SPRY3: variants seen among roughly 807,000 people sequenced by gnomAD.
SPRY3 encodes the protein protein sprouty homolog 3.
A neutral mutation model predicts 20.2 loss-of-function variants in SPRY3; 15 were observed. The ratio of observed to expected loss-of-function variants is 0.74; its 90% CI spans 0.50 to 1.14. The LOEUF (loss-of-function observed/expected upper bound fraction) is 1.14. SPRY3 is among the 50% of genes most tolerant of loss of function. The pLI, the probability that SPRY3 is intolerant of heterozygous loss-of-function variation, is 0.00. For synonymous variants in SPRY3, 143 were observed against 136.5 expected, an observed-to-expected ratio of 1.05 and a Z score of -0.33; for missense variants, 364 against 363.9, an observed-to-expected ratio of 1.00 and a Z score of 0.00.
chrX:155,723,106 A>G (rs940355232), intron 2 of SPRY3, among the ~76,000 whole-genome samples: 8 of 152,174 alleles, frequency 5.3e-5, no homozygotes, highest in African/African-American at 1.9e-4. Flanking sequence ...TGAAAAGGAC[A>G]TGAACTCATC....
chrX:155,734,410 T>G (rs918010933), intron 2 of SPRY3, among the ~76,000 whole-genome samples: 2 of 151,964 alleles, frequency 1.3e-5, no homozygotes, highest in Admixed American at 6.6e-5. Flanking sequence ...CATATATGAG[T>G]GCAGTTTGTG....
At chrX:155,634,402 G>T (rs2067917021) in intron 1 of SPRY3, among the ~76,000 whole-genome samples, 1 of 111,702 alleles carries the variant, frequency 9.0e-6, no homozygotes. Context: ...GCACCATCAT[G>T]ATATTCTAAT....
Position 155,722,566 on chromosome X carries a change from C to T in SPRY3, c.-281-45396C>T, listed in dbSNP as rs926031478. Reference sequence around the variant, plus strand: ...AAGCAAGAAATTAAATCATATTAACCGAGAAAATTAACCTTCACATGAAAG... The same window carrying T: ...AAGCAAGAAATTAAATCATATTAACTGAGAAAATTAACCTTCACATGAAAG... On this transcript the variant is annotated intron_variant, in intron 2 of 3. Coordinates refer to ENST00000675360, the Ensembl canonical transcript of SPRY3. 3.3e-5 allele frequency among the ~76,000 whole-genome samples: 5 copies of T among 151,350 alleles called. 1 individual carries two copies. In the Middle Eastern group the frequency reaches 0.01, roughly 309 times the overall value.
intron 2 of SPRY3, among the ~76,000 whole-genome samples, chrX:155,668,033 A>T (rs137888599): frequency 2.6e-3 from 58 of 22,263 alleles, no homozygotes; most frequent in Middle Eastern, 0.037. Context: ...ACAACTTTTT[A>T]AAAAAAATTG....
At chrX:155,768,478 C>T (rs1017427788) in intron 3 of SPRY3, among the ~76,000 whole-genome samples, 11 of 152,034 alleles carry the variant, frequency 7.2e-5, no homozygotes, top group African/African-American at 2.7e-4. Flanking sequence ...GCCTAACCAC[C>T]CAAGCTGAGG....
chrX:155,730,198 T>A (rs1403063324), intron 2 of SPRY3, among the ~76,000 whole-genome samples: 1 of 152,130 alleles, frequency 6.6e-6, no homozygotes, highest in Non-Finnish European at 1.5e-5. Context: ...TGAGCCATAT[T>A]GCTCTGATAC....
chrX:155,724,865 A>G (rs193150912), intron 2 of SPRY3, among the ~76,000 whole-genome samples: 1 of 152,174 alleles, frequency 6.6e-6, no homozygotes, highest in Non-Finnish European at 1.5e-5. Context: ...GTTGAGTAGG[A>G]GTGGTGAGAG....
At chrX:155,777,660 T>A (rs373080275), downstream of SPRY3, 13 of 161,286 alleles carry the variant, frequency 8.1e-5, 1 homozygote, top group East Asian at 2.2e-3. Flanking sequence ...CATCTCTATA[T>A]ATTTTAATGT....
At chrX:155,693,378 A>G (rs1358351631) in intron 2 of SPRY3, among the ~76,000 whole-genome samples, 2 of 111,887 alleles carry the variant, frequency 1.8e-5, no homozygotes, top group Non-Finnish European at 3.8e-5. Context: ...ATTTATTGAA[A>G]CTTGTTTTAT....
intron 1 of SPRY3, among the ~76,000 whole-genome samples, chrX:155,616,741 A>C (rs1449155154): frequency 9.0e-6 from 1 of 110,912 alleles, no homozygotes; most frequent in Non-Finnish European, 1.9e-5. Flanking sequence ...TAGCTAGGTG[A>C]GCGATGTCAC....
chrX:155,634,275 C>T (rs1471306905), intron 1 of SPRY3, among the ~76,000 whole-genome samples: 1 of 111,180 alleles, frequency 9.0e-6, no homozygotes, highest in African/African-American at 3.3e-5. Context: ...GTAGGATAGC[C>T]TCTATTAAGG....
intron 2 of SPRY3, among the ~76,000 whole-genome samples, chrX:155,706,722 A>G (rs2090953997): frequency 6.6e-6 from 1 of 151,108 alleles, no homozygotes; most frequent in African/African-American, 2.4e-5. Context: ...CTTTATATTC[A>G]CAAATGGAAC....
intron 2 of SPRY3, among the ~76,000 whole-genome samples, chrX:155,726,574 T>C (rs1033772132): frequency 1.3e-5 from 2 of 152,182 alleles, no homozygotes; most frequent in African/African-American, 4.8e-5. Flanking sequence ...CATTATGTAA[T>C]GGCCTTCTTT....
intron 2 of SPRY3, among the ~76,000 whole-genome samples, chrX:155,746,900 G>C (rs776482722): frequency 2.0e-5 from 3 of 151,968 alleles, no homozygotes; most frequent in African/African-American, 7.2e-5. Flanking sequence ...AAGGTTTCCA[G>C]GTACTATATG....
chrX:155,748,404 A>G (rs2091239758), intron 2 of SPRY3, among the ~76,000 whole-genome samples: 1 of 151,866 alleles, frequency 6.6e-6, no homozygotes, highest in Non-Finnish European at 1.5e-5. Flanking sequence ...TACCAAGAAT[A>G]GAGTTTAGGG....
intron 2 of SPRY3, among the ~76,000 whole-genome samples, chrX:155,757,822 TTTACTAGTAATTCCAA>T (rs2091289168): frequency 6.6e-6 from 1 of 152,148 alleles, no homozygotes; most frequent in South Asian, 2.1e-4. Flanking sequence ...CTCCACCAAA[TTTACTAGTAATTCCAA>T]CAGAGTGGTC....
rs2091036794 is a variant in SPRY3 at position 155,718,602 on chromosome X, A to G, written c.-281-49360A>G. ...CGGGCATTTCGAATACAAAATAAAG[A>G]CACACCACAGATACAAATATAATCA... On this transcript the variant is annotated intron_variant, in intron 2 of 3. Coordinates refer to ENST00000675360, the Ensembl canonical transcript of SPRY3. 1.3e-5 allele frequency among the ~76,000 whole-genome samples: 2 copies of G among 152,164 alleles called. 1 individual carries two copies. Among genetic ancestry groups the G allele is most frequent in the South Asian group, 4.1e-4 (2 of 4,828 alleles).
At chrX:155,774,871 A>G (rs965808684) in exon 4 of SPRY3, 3 of 1,033,926 alleles carry the variant, frequency 2.9e-6, no homozygotes, top group East Asian at 2.4e-5. Flanking sequence ...CTGCAGTGTC[A>G]GGGGAATGAC....
intron 2 of SPRY3, among the ~76,000 whole-genome samples, chrX:155,734,689 T>A (rs1000998075): frequency 6.6e-6 from 1 of 151,930 alleles, no homozygotes; most frequent in African/African-American, 2.4e-5. Context: ...GCAAAGCACA[T>A]TAATCCAAGG....
Sources: allele counts gnomAD v4.1 joint callset (sites outside exome capture counted in the v4.1 genomes callset), GRCh38; gene constraint gnomAD v4.1.1; transcripts MANE v1.5; gene names NCBI Gene and HGNC (gene_info 2026-07-23, HGNC 2026-07-21).